SLC35F4: variants seen among roughly 807,000 people sequenced by gnomAD.
SLC35F4 encodes the protein chromosome 14 open reading frame 36.
A neutral mutation model predicts 44.2 loss-of-function variants in SLC35F4; 24 were observed. That is an observed-to-expected ratio of 0.54 (90% confidence interval 0.39 to 0.76). The LOEUF is 0.76. Among genes scored for constraint, SLC35F4 ranks in the 30% least tolerant of loss-of-function variants. The pLI is 0.00. For synonymous variants in SLC35F4, 238 were observed against 223.6 expected (o/e 1.06, Z -0.57); for missense variants, 562 against 586.1 (o/e 0.96, Z 0.42).
chr14:57,823,378 C>A (rs1161205380), intron 1 of SLC35F4, among the ~76,000 whole-genome samples: 1 of 152,206 alleles, frequency 6.6e-6, no homozygotes, highest in Non-Finnish European at 1.5e-5. Context: ...CTCTAATCAG[C>A]TCATTTATTG....
At chr14:57,874,288 A>G (rs549444796) in intron 1 of SLC35F4, among the ~76,000 whole-genome samples, 1 of 152,340 alleles carries the variant, frequency 6.6e-6, no homozygotes, top group East Asian at 1.9e-4. Context: ...TCTTCTCGAC[A>G]GTGCATACTT....
intron 1 of SLC35F4, among the ~76,000 whole-genome samples, chr14:57,823,322 C>A (rs985858877): frequency 6.6e-6 from 1 of 151,816 alleles, no homozygotes; most frequent in Non-Finnish European, 1.5e-5. Flanking sequence ...GTCATCTCCT[C>A]ACAATATTGT....
chr14:57,859,295 C>T (rs28580712), intron 1 of SLC35F4, among the ~76,000 whole-genome samples: 11,593 of 152,136 alleles, frequency 0.076, 624 homozygotes, highest in African/African-American at 0.15. Context: ...TATAGACCAA[C>T]GAGATAAATG....
chr14:57,709,343 C>T (rs748287262), intron 1 of SLC35F4, among the ~76,000 whole-genome samples: 9 of 152,162 alleles, frequency 5.9e-5, no homozygotes, highest in Non-Finnish European at 4.4e-5. Context: ...AAGGCTCGCA[C>T]TCTTGTCTTC....
At chr14:57,878,482 A>G (rs1403611414) in intron 1 of SLC35F4, among the ~76,000 whole-genome samples, 1 of 151,696 alleles carries the variant, frequency 6.6e-6, no homozygotes, top group Non-Finnish European at 1.5e-5. Context: ...CTCTGTGACT[A>G]CTCCCCTCAT....
At chr14:57,654,130 A>G (rs890889797) in intron 1 of SLC35F4, among the ~76,000 whole-genome samples, 6 of 151,948 alleles carry the variant, frequency 3.9e-5, no homozygotes, top group Admixed American at 6.6e-5. Flanking sequence ...CGTTTTATTT[A>G]TTTTCATAGT....
intron 4 of SLC35F4, 89 bp downstream of exon 4, chr14:57,581,125 A>G: frequency 7.5e-7 from 1 of 1,329,568 alleles, no homozygotes; most frequent in South Asian, 1.9e-5. Flanking sequence ...TTTTACAGCA[A>G]CTCCACGAAA....
chr14:57,664,193 C>T (rs976234910), intron 1 of SLC35F4, among the ~76,000 whole-genome samples: 3 of 152,160 alleles, frequency 2.0e-5, no homozygotes, highest in Non-Finnish European at 4.4e-5. Flanking sequence ...AGAGAACACA[C>T]ATCTAGGTCA....
intron 1 of SLC35F4, among the ~76,000 whole-genome samples, chr14:57,811,367 T>C (rs1216469924): frequency 6.6e-6 from 1 of 152,138 alleles, no homozygotes; most frequent in Non-Finnish European, 1.5e-5. Context: ...GCCAAGTAGG[T>C]ATGGCAGAGG....
At chr14:57,808,433 A>T (rs188062173) in intron 1 of SLC35F4, among the ~76,000 whole-genome samples, 5 of 152,076 alleles carry the variant, frequency 3.3e-5, no homozygotes, top group Admixed American at 2.0e-4. Context: ...AAAGCATAAT[A>T]CTAATTGATT....
intron 1 of SLC35F4, among the ~76,000 whole-genome samples, chr14:57,758,605 G>A (rs567109267): frequency 9.9e-4 from 151 of 151,902 alleles, no homozygotes; most frequent in African/African-American, 3.4e-3. Flanking sequence ...CTGTCTTAAT[G>A]TCCTTGTCTG....
chr14:57,755,859 C>T (rs2140589506), intron 1 of SLC35F4, among the ~76,000 whole-genome samples: 1 of 152,280 alleles, frequency 6.6e-6, no homozygotes, highest in African/African-American at 2.4e-5. Flanking sequence ...TGTCTAAGGC[C>T]ACAAAGCCAT....
chr14:57,727,441 G>A (rs138039129), intron 1 of SLC35F4, among the ~76,000 whole-genome samples: 183 of 149,018 alleles, frequency 1.2e-3, no homozygotes, highest in Middle Eastern at 0.011. Context: ...CTAATTTTGG[G>A]TTCAGTTTAC....
At chr14:57,644,955 G>C (rs1296927597) in intron 1 of SLC35F4, among the ~76,000 whole-genome samples, 1 of 152,126 alleles carries the variant, frequency 6.6e-6, no homozygotes, top group Non-Finnish European at 1.5e-5. Flanking sequence ...ATTTCTGAGA[G>C]CTCTGTTTTG....
At chr14:57,936,538 T>C (rs1039330779) in intron 1 of SLC35F4, among the ~76,000 whole-genome samples, 1 of 152,236 alleles carries the variant, frequency 6.6e-6, no homozygotes, top group Non-Finnish European at 1.5e-5. Context: ...CTTTTGACAA[T>C]GTCTGAGACA....
intron 1 of SLC35F4, among the ~76,000 whole-genome samples, chr14:57,768,968 G>C (rs976218258): frequency 4.6e-5 from 7 of 152,098 alleles, no homozygotes; most frequent in African/African-American, 1.7e-4. Flanking sequence ...GGCCAGGCTG[G>C]TCTCAAACTC....
At chr14:57,908,407 C>CA in intron 1 of SLC35F4, among the ~76,000 whole-genome samples, 1 of 152,298 alleles carries the variant, frequency 6.6e-6, no homozygotes, top group Middle Eastern at 3.4e-3. Flanking sequence ...ACATTCCCAC[C>CA]AACAGTGTAA....
Position 57,757,140 on chromosome 14 carries a change from T to C in SLC35F4, c.103+108583A>G, listed in dbSNP as rs539536824. Among the ~76,000 whole-genome samples, 255 of 152,352 alleles carry C rather than the reference T, an allele frequency of 1.7e-3. 1 individual carries two copies. Among genetic ancestry groups the C allele is most frequent in the African/African-American group, 5.9e-3 (247 of 41,582 alleles). On this transcript the variant is annotated intron_variant, in intron 1 of 7. Transcript: ENST00000556826. ...GTTGAAATTGATCCCATTATCATTA[T>C]GAAGTGACCTGCTTTATCTCTGGTG...
chr14:57,679,497 T>C (rs1370873440), intron 1 of SLC35F4, among the ~76,000 whole-genome samples: 2 of 151,930 alleles, frequency 1.3e-5, no homozygotes, highest in African/African-American at 4.8e-5. Flanking sequence ...ATTTAAAAGC[T>C]AGCAGAAGAC....
Sources: allele counts gnomAD v4.1 joint callset (sites outside exome capture counted in the v4.1 genomes callset), GRCh38; gene constraint gnomAD v4.1.1; transcripts MANE v1.5; gene names NCBI Gene and HGNC (gene_info 2026-07-23, HGNC 2026-07-21).